BAG6: variants seen among roughly 807,000 people sequenced by gnomAD.
The protein encoded by BAG6 is BAG cochaperone 6.
A neutral mutation model predicts 121.0 loss-of-function variants in BAG6; 22 were observed. The observed-to-expected ratio is 0.18, with a 90% CI of 0.13 to 0.26. The LOEUF is 0.26. Ranked by LOEUF, BAG6 falls within the 10% of genes least tolerant of loss-of-function variation. BAG6 has a pLI of 1.00. For synonymous variants in BAG6, 583 were observed against 584.6 expected, an observed-to-expected ratio of 1.00 and a Z score of 0.04; for missense variants, 1,233 against 1,537.7, an observed-to-expected ratio of 0.80 and a Z score of 3.31.
intron 1 of BAG6, 69 bp downstream of exon 1, chr6:31,652,350 CACACA>C (rs1798160244): frequency 2.0e-5 from 3 of 153,022 alleles, no homozygotes; most frequent in Non-Finnish European, 2.9e-5. Flanking sequence ...CACACACACA[CACACA>C]CACACCCACC....
In BAG6 at chr6:31,643,035, T is replaced by C. The variant is rs369396869; in HGVS notation, c.1837A>G (p.Thr613Ala). 83 of 1,588,464 alleles carry C rather than the reference T, an allele frequency of 5.2e-5. No homozygotes were observed. The highest frequency in any genetic ancestry group is 6.8e-5 in the Non-Finnish European group (80 of 1,169,182). Residue 613 changes from threonine (T) to alanine (A), a missense_variant, in exon 15 of 26, where the codon ACA becomes GCA. Transcript: ENST00000676615. ...GGCCCCCCAGGAGCGGGGCCAGCTG[T>C]GGTAGCTGTGTTGGTGGTGCCAGCA... ...ASAGTTNTAT[T>A]AGPAPGGPAQ...
intron 24 of BAG6, 186 bp from the exon 25 acceptor site, chr6:31,639,832 C>G: frequency 1.3e-6 from 1 of 776,856 alleles, no homozygotes; most frequent in Non-Finnish European, 2.0e-6. Context: ...TGGCACTAGC[C>G]AAAACTAAAG....
At position 31,648,976 on chromosome 6, in the gene BAG6, GTAAGGGAAGTTGTTC is replaced by G; in HGVS notation, c.424-27_424-13del. The stretch of plus-strand genomic sequence containing the variant: ...GCAGAGCCGTCACTCTGGGGAAAGG[GTAAGGGAAGTTGTTC>G]TGGGAGAAGCCAACACTAAGGCCTC... On this transcript the variant is annotated splice_polypyrimidine_tract_variant and intron_variant, in intron 4 of 25. Coordinates refer to ENST00000676615, the MANE Select transcript of BAG6 (RefSeq NM_001387994.1). 1 of 1,525,558 alleles carries G rather than the reference GTAAGGGAAGTTGTTC, an allele frequency of 6.6e-7. No individual in the cohort carries two copies. The highest frequency in any genetic ancestry group is 8.8e-7 in the Non-Finnish European group (1 of 1,140,560). 94.5% of individuals were successfully genotyped at this position (1,525,558 alleles called of 1,614,324 possible).
chr6:31,640,278 A>C lies in BAG6; in HGVS notation c.3167T>G (p.Ile1056Ser). Residue 1056 changes from isoleucine to serine, a missense_variant, in exon 24 of 26, where the codon ATT becomes AGT. Ile to Ser is a moderately radical substitution (Grantham distance 142, BLOSUM62 -2). This residue lies in a region of BAG6 where 288 missense variants were observed against 483.1 expected (regional missense o/e 0.60). Coordinates refer to ENST00000676615, the MANE Select transcript of BAG6 (RefSeq NM_001387994.1). The surrounding 1 kb of genome is among the most constrained non-coding windows in gnomAD (Gnocchi z 4.2). ...CGGTTTCACCTTCCGCTGGCTCTGA[A>C]TGTCCTGCTGGATAATAGGGACCCA... ...PEWVPIIQQD[I>S]QSQRKVKPQP... The C allele has an allele frequency of 6.2e-7, 1 of 1,614,214 alleles. No individual in the cohort carries two copies. Among genetic ancestry groups the C allele is most frequent in the Non-Finnish European group, 8.5e-7 (1 of 1,180,038 alleles).
Position 31,646,523 on chromosome 6 carries a change from G to A in BAG6, c.789C>T (p.Asn263=), listed in dbSNP as rs1253136942. Residue 263 remains asparagine, a splice_region_variant and synonymous_variant, in exon 8 of 26, where the codon AAC becomes AAT. Coordinates refer to ENST00000676615, the MANE Select transcript of BAG6 (RefSeq NM_001387994.1). ...PTPAPETNAP[N]HPSPAEYVEV... ...CGACATACTCCGCAGGGGAAGGATG[G>A]CTGTGGACAAACCCAAGGGGCAATG... is the stretch of plus-strand genomic sequence containing the variant. 2.5e-6 allele frequency: 4 copies of A among 1,612,338 alleles called. No homozygotes were observed. Among genetic ancestry groups the A allele is most frequent in the Non-Finnish European group, 2.5e-6 (3 of 1,179,836 alleles).
chr6:31,645,523 G>C lies in BAG6; in HGVS notation c.1000C>G (p.Leu334Val). 6.2e-7 allele frequency: 1 copy of C among 1,613,154 alleles called. No homozygotes were observed. The highest frequency in any genetic ancestry group is 8.5e-7 in the Non-Finnish European group (1 of 1,180,050). Residue 334 changes from leucine to valine, a missense_variant, in exon 9 of 26, where the codon CTG (leucine) becomes GTG (valine). Leu to Val is a conservative substitution (Grantham distance 32). Coordinates refer to ENST00000676615, the MANE Select transcript of BAG6 (RefSeq NM_001387994.1). ...GCCAGATTGCAGCGCAGGTCAGACAGTGCAACAAAGGTGTTGCCCAGCAGT... is the reference window on the plus strand; with the variant it reads ...GCCAGATTGCAGCGCAGGTCAGACACTGCAACAAAGGTGTTGCCCAGCAGT... ...LRLLGNTFVA[L>V]SDLRCNLACT...
chr6:31,641,233 G>T lies in BAG6; in HGVS notation c.2663-5C>A. The T allele has an allele frequency of 6.2e-7, 1 of 1,614,202 alleles. No homozygotes were observed. Among genetic ancestry groups the T allele is most frequent in the Non-Finnish European group, 8.5e-7 (1 of 1,180,036 alleles). ...ACCGGGCCCCAAATCCACTATCTGT[G>T]GGCAAAATACAAGGAGGGAATGCTG... On this transcript the variant is annotated splice_polypyrimidine_tract_variant and splice_region_variant and intron_variant, in intron 19 of 25. Transcript: ENST00000676615. The surrounding 1 kb of genome is among the most constrained non-coding windows in gnomAD (Gnocchi z 5.7).
At chr6:31,646,773 T>G (rs532491520) in intron 7 of BAG6, among the ~76,000 whole-genome samples, 18 of 128,012 alleles carry the variant, frequency 1.4e-4, no homozygotes, top group African/African-American at 3.7e-4. Flanking sequence ...TTTGTTTTTT[T>G]TTTTTTTTTT....
chr6:31,641,570 G>A lies in BAG6; in HGVS notation c.2528C>T (p.Thr843Met), dbSNP rs780710425. Residue 843 changes from threonine to methionine, a missense_variant, in exon 18 of 26, where the codon ACG becomes ATG. Physicochemically the swap from Thr to Met is moderately conservative, Grantham distance 81 (BLOSUM62 -1). Around this residue, in one of 7 missense-constraint regions of BAG6, gnomAD observed 288 missense variants for 483.1 expected, o/e 0.60. Coordinates refer to ENST00000676615, the MANE Select transcript of BAG6 (RefSeq NM_001387994.1). This position sits in a 1 kb window ranked among gnomAD's most constrained non-coding sequence, Gnocchi z 5.7. ...NIRMATHTLI[T>M]GLEEYVRESF... ...CTCCCGCACATACTCTTCTAGCCCC[G>A]TGATCAATGTGTGGGTTGCCATCTG... The A allele has an allele frequency of 1.3e-5, 21 of 1,614,004 alleles. No individual in the cohort carries two copies. The highest frequency in any genetic ancestry group is 1.2e-4 in the South Asian group (11 of 91,086).
In BAG6 at chr6:31,639,654, A is replaced by G; in HGVS notation, c.3247-8T>C. ...GCCCTCACCCTGCATCGTCTGGGGG[A>G]CAGGGGGTTGGGAGGGAAAAGAGGA... On this transcript the variant is annotated splice_region_variant and splice_polypyrimidine_tract_variant and intron_variant, in intron 24 of 25. Coordinates refer to ENST00000676615, the MANE Select transcript of BAG6 (RefSeq NM_001387994.1). The G allele has an allele frequency of 6.2e-7, 1 of 1,602,648 alleles. No individual in the cohort carries two copies. Among genetic ancestry groups the G allele is most frequent in the Non-Finnish European group, 8.5e-7 (1 of 1,173,478 alleles).
intron 6 of BAG6, 88 bp downstream of exon 6, chr6:31,648,589 G>A (rs805303): frequency 0.39 from 501,093 of 1,298,384 alleles, 100,027 homozygotes; most frequent in African/African-American, 0.6. Flanking sequence ...AAACCCTGTG[G>A]ATGTGGCCAG....
At position 31,649,191 on chromosome 6, in the gene BAG6, A is replaced by G; in HGVS notation, c.423+8T>C. ...ACAAAAGCCCTCCCCTGTGGAACAT[A>G]AGCTTACAGGAAGATTGAAGGTTCC... is the stretch of plus-strand genomic sequence containing the variant. On this transcript the variant is annotated splice_region_variant and intron_variant, in intron 4 of 25. Coordinates refer to ENST00000676615, the MANE Select transcript of BAG6 (RefSeq NM_001387994.1). 1 of 1,612,918 alleles carries G rather than the reference A, an allele frequency of 6.2e-7. No homozygotes were observed. Among genetic ancestry groups the G allele is most frequent in the South Asian group, 1.1e-5 (1 of 91,082 alleles).
chr6:31,642,364 G>A lies in BAG6; in HGVS notation c.2083C>T (p.Pro695Ser), dbSNP rs1305815776. Residue 695 changes from proline (P) to serine (S), a missense_variant, in exon 16 of 26, where the codon CCC becomes TCC. Transcript: ENST00000676615. ...TGCTGCTCTGGGGCAGGTGGTGGGG[G>A]TGGAGGAGGTGGGGGTGGTGGAGGG... is the stretch of plus-strand genomic sequence containing the variant. ...TAPPPPPPPPPPPPAPEQQTM... is the reference protein window; with the variant it reads ...TAPPPPPPPPSPPPAPEQQTM... The A allele has an allele frequency of 1.8e-6, 2 of 1,089,060 alleles. No homozygotes were observed. Among genetic ancestry groups the A allele is most frequent in the African/African-American group, 1.6e-5 (1 of 62,160 alleles). The allele number at this position is 1,089,060 out of a possible 1,614,324, so 67.5% of individuals were successfully genotyped here.
intron 6 of BAG6, 109 bp from the exon 7 acceptor site, chr6:31,647,935 C>A: frequency 1.5e-6 from 2 of 1,354,446 alleles, no homozygotes; most frequent in Non-Finnish European, 1.9e-6. Flanking sequence ...TCCCTGAAGG[C>A]ATGGCTCTGC....
At chr6:31,646,766 GTTTTTTTTTTT>G (rs66820473) in intron 7 of BAG6, among the ~76,000 whole-genome samples, 2 of 60,638 alleles carry the variant, frequency 3.3e-5, no homozygotes, top group Non-Finnish European at 5.8e-5. Context: ...GCTAATTTTT[GTTTTTTTTTTT>G]TTTTTTTTTT....
chr6:31,640,928 G>C lies in BAG6; in HGVS notation c.2798C>G (p.Ser933Cys). 6.2e-7 allele frequency: 1 copy of C among 1,612,720 alleles called. No individual in the cohort carries two copies. The highest frequency in any genetic ancestry group is 8.5e-7 in the Non-Finnish European group (1 of 1,179,908). Residue 933 changes from serine (S) to cysteine (C), a missense_variant, in exon 21 of 26, where the codon TCT (serine) becomes TGT (cysteine). Physicochemically the swap from Ser to Cys is moderately radical, Grantham distance 112 (BLOSUM62 -1). Coordinates refer to ENST00000676615, the MANE Select transcript of BAG6 (RefSeq NM_001387994.1). This position sits in a 1 kb window ranked among gnomAD's most constrained non-coding sequence, Gnocchi z 4.2. ...CACCAAGGAGGGATTCACCCCACGA[G>C]ACATACGACGCTGAGGGACAGAAAG... ...AVINGRIRRM[S>C]RGVNPSLVSW...
intron 1 of BAG6, 104 bp downstream of exon 1, chr6:31,652,320 A>AACACATAC (rs1554157167): frequency 1.6e-5 from 2 of 121,716 alleles, no homozygotes. Context: ...CCCACAGCCA[A>AACACATAC]ACACACACAC....
intron 7 of BAG6, among the ~76,000 whole-genome samples, chr6:31,647,332 G>T (rs893181826): frequency 6.6e-6 from 1 of 152,164 alleles, no homozygotes; most frequent in African/African-American, 2.4e-5. Context: ...GCAGGCCTTC[G>T]TGAACTCAGA....
In BAG6 at chr6:31,644,739, G is replaced by C. The variant is rs1787075106; in HGVS notation, c.1370-137C>G. ...GCCTTTCCCTCCATCTAAACAGGGA[G>C]AGGTACTCCCTTCACCACACAAACA... On this transcript the variant is annotated intron_variant, in intron 10 of 25. Coordinates refer to ENST00000676615, the MANE Select transcript of BAG6 (RefSeq NM_001387994.1). The surrounding 1 kb of genome is among the most constrained non-coding windows in gnomAD (Gnocchi z 4.9). 2.4e-6 allele frequency: 3 copies of C among 1,241,058 alleles called. No individual in the cohort carries two copies. In the African/African-American group the frequency reaches 4.4e-5, roughly 18 times the overall value. The allele number at this position is 1,241,058 out of a possible 1,614,324, so 76.9% of individuals were successfully genotyped here.
Sources: gnomAD v4.1 joint callset for allele counts (sites outside exome capture counted in the v4.1 genomes callset) on GRCh38, gnomAD v4.1.1 for gene constraint, gnomAD v4.1.1 regional missense constraint, Gnocchi (gnomAD v3.1) non-coding constraint, MANE v1.5 for transcripts, NCBI Gene and HGNC (gene_info 2026-07-23, HGNC 2026-07-21) for gene names.